ERP44: variants seen among roughly 807,000 people sequenced by gnomAD.
The protein encoded by ERP44 is endoplasmic reticulum resident protein 44.
ERP44 carries 25 observed loss-of-function variants against 53.4 expected under a neutral mutation model. That is an observed-to-expected ratio of 0.47 (90% CI 0.34 to 0.65). The LOEUF is 0.65. Among genes scored for constraint, ERP44 ranks in the 30% least tolerant of loss-of-function variants. The pLI is 0.01. For missense variants in ERP44, 338 were observed against 493.2 expected, an observed-to-expected ratio of 0.69 and a Z score of 2.98; for synonymous variants, 145 against 161.2, an observed-to-expected ratio of 0.90 and a Z score of 0.76.
intron 4 of ERP44, among the ~76,000 whole-genome samples, chr9:100,040,014 C>T (rs758376612): frequency 3.3e-5 from 5 of 151,816 alleles, no homozygotes; most frequent in African/African-American, 7.3e-5. Context: ...ATAATGAGAT[C>T]GAAGCCATAA....
intron 3 of ERP44, among the ~76,000 whole-genome samples, chr9:100,055,531 G>A (rs530155543): frequency 2.6e-5 from 4 of 152,128 alleles, no homozygotes; most frequent in African/African-American, 9.6e-5. Flanking sequence ...TGCCACGTCC[G>A]GCTAATTTTT....
chr9:100,064,199 G>A (rs746667563), intron 1 of ERP44, among the ~76,000 whole-genome samples: 1 of 152,066 alleles, frequency 6.6e-6, no homozygotes, highest in African/African-American at 2.4e-5. Flanking sequence ...TCCAACAGAC[G>A]GGGAGTACCT....
At chr9:99,994,979 T>A (rs1452009438) in intron 10 of ERP44, among the ~76,000 whole-genome samples, 1 of 152,224 alleles carries the variant, frequency 6.6e-6, no homozygotes, top group Non-Finnish European at 1.5e-5. Flanking sequence ...CAACACAGTA[T>A]ACTTCCTCGT....
Position 99,985,115 on chromosome 9 carries a change from T to A in ERP44, c.1017-46A>T, listed in dbSNP as rs373073610. On this transcript the variant is annotated intron_variant, in intron 10 of 11. Coordinates refer to ENST00000262455, the MANE Select transcript of ERP44 (RefSeq NM_015051.3). Reference sequence around the variant, plus strand: ...AATGTAAACTGTTAAAATGGACTTATCTCTATTTTACCAACTTCACAGTAT... The same window carrying A: ...AATGTAAACTGTTAAAATGGACTTAACTCTATTTTACCAACTTCACAGTAT... The A allele has an allele frequency of 3.8e-5, 49 of 1,302,258 alleles. No individual in the cohort carries two copies. In the African/African-American group the frequency reaches 6.5e-4, roughly 17 times the overall value. The allele number at this position is 1,302,258 out of a possible 1,614,324, so 80.7% of individuals were successfully genotyped here. A position where few individuals can be genotyped will look rare whatever the true frequency, so the allele number is the denominator to read the frequency against.
intron 5 of ERP44, 74 bp downstream of exon 5, chr9:100,021,968 T>A: frequency 1.5e-6 from 2 of 1,348,062 alleles, no homozygotes; most frequent in South Asian, 1.3e-5. Context: ...AATGTCCAGA[T>A]TTTTTGTTTG....
At chr9:100,062,721 G>A (rs1826165497) in intron 1 of ERP44, among the ~76,000 whole-genome samples, 1 of 152,100 alleles carries the variant, frequency 6.6e-6, no homozygotes, top group Non-Finnish European at 1.5e-5. Context: ...TTTTTGAAGA[G>A]TTAATTATCA....
At chr9:100,049,268 G>T (rs1331769500) in intron 4 of ERP44, among the ~76,000 whole-genome samples, 1 of 152,032 alleles carries the variant, frequency 6.6e-6, no homozygotes, top group Non-Finnish European at 1.5e-5. Context: ...AAATTAGCTG[G>T]GTGTGGTGGC....
chr9:100,050,567 G>A (rs1200242144), intron 4 of ERP44, among the ~76,000 whole-genome samples: 1 of 152,170 alleles, frequency 6.6e-6, no homozygotes, highest in Non-Finnish European at 1.5e-5. Context: ...ACTACAGTTT[G>A]TCTTACAATC....
chr9:99,998,922 G>C, intron 10 of ERP44: 3 of 1,596,544 alleles, frequency 1.9e-6, no homozygotes, highest in Non-Finnish European at 2.6e-6. Context: ...GTTGGCACTG[G>C]TCTTCTCTTC....
At chr9:100,084,644 A>C (rs1826461898) in intron 1 of ERP44, among the ~76,000 whole-genome samples, 1 of 152,232 alleles carries the variant, frequency 6.6e-6, no homozygotes, top group Non-Finnish European at 1.5e-5. Context: ...ATAAAAGTGC[A>C]TTTAAAGATA....
intron 1 of ERP44, 97 bp downstream of exon 1, chr9:100,098,687 G>C: frequency 9.6e-7 from 1 of 1,046,556 alleles, no homozygotes; most frequent in Admixed American, 1.9e-5. Context: ...TGCAGGAAAA[G>C]ACGGAAAAGC....
At chr9:100,054,349 C>A (rs1826068285) in intron 3 of ERP44, among the ~76,000 whole-genome samples, 1 of 152,094 alleles carries the variant, frequency 6.6e-6, no homozygotes, top group African/African-American at 2.4e-5. Context: ...GGAGTAGGGG[C>A]TGATTAATGG....
chr9:99,982,612 T>C lies in ERP44; in HGVS notation c.1221A>G (p.Ter407=). ...YTLLRDRDEL[*] ...GGCTTACAAACTGTTTTTCAAGTTTTTAAAGCTCATCTCGATCCCTCAATA... is the reference window on the plus strand; with the variant it reads ...GGCTTACAAACTGTTTTTCAAGTTTCTAAAGCTCATCTCGATCCCTCAATA... Residue 407 remains the stop codon, a stop_retained_variant, in exon 12 of 12, where the codon TAA becomes TAG. Coordinates refer to ENST00000262455, the MANE Select transcript of ERP44 (RefSeq NM_015051.3). The C allele has an allele frequency of 6.6e-7, 1 of 1,525,710 alleles. No individual in the cohort carries two copies. The highest frequency in any genetic ancestry group is 8.8e-7 in the Non-Finnish European group (1 of 1,136,370). The allele number at this position is 1,525,710 out of a possible 1,614,324, so 94.5% of individuals were successfully genotyped here. A position where few individuals can be genotyped will look rare whatever the true frequency, so the allele number is the denominator to read the frequency against.
At chr9:99,986,138 A>C (rs1038405212) in intron 10 of ERP44, among the ~76,000 whole-genome samples, 2 of 152,218 alleles carry the variant, frequency 1.3e-5, no homozygotes, top group African/African-American at 2.4e-5. Context: ...ATATACAATA[A>C]AGTAGGATTA....
chr9:100,041,661 C>T (rs577643899), intron 4 of ERP44, among the ~76,000 whole-genome samples: 18 of 151,990 alleles, frequency 1.2e-4, no homozygotes, highest in African/African-American at 3.9e-4. Flanking sequence ...AGCAAGATTC[C>T]GACTCAAAAC....
intron 3 of ERP44, among the ~76,000 whole-genome samples, chr9:100,056,326 A>C (rs997581365): frequency 6.6e-6 from 1 of 152,234 alleles, no homozygotes; most frequent in African/African-American, 2.4e-5. Context: ...TTTTATAAAC[A>C]GCATTTTCTC....
chr9:100,002,958 T>C (rs188498801), intron 10 of ERP44, among the ~76,000 whole-genome samples: 76 of 152,254 alleles, frequency 5.0e-4, no homozygotes, highest in Middle Eastern at 3.4e-3. Flanking sequence ...ATTTACTCTT[T>C]TGGTGCTGTC....
chr9:99,996,140 G>A (rs1035410365), intron 10 of ERP44, among the ~76,000 whole-genome samples: 3 of 152,100 alleles, frequency 2.0e-5, no homozygotes, highest in Non-Finnish European at 2.9e-5. Flanking sequence ...CAACATGGAG[G>A]TGCTGGTAGG....
At chr9:100,064,693 T>C (rs1826190632) in intron 1 of ERP44, among the ~76,000 whole-genome samples, 1 of 152,232 alleles carries the variant, frequency 6.6e-6, no homozygotes, top group Non-Finnish European at 1.5e-5. Context: ...GCTACATATA[T>C]GACAGTGGTC....
Sources: gnomAD v4.1 joint callset for allele counts (sites outside exome capture counted in the v4.1 genomes callset) on GRCh38, gnomAD v4.1.1 for gene constraint, MANE v1.5 for transcripts, NCBI Gene and HGNC (gene_info 2026-07-23, HGNC 2026-07-21) for gene names.